RBFOX3: variants seen among roughly 807,000 people sequenced by gnomAD.
The protein encoded by RBFOX3 is RNA binding fox-1 homolog 3.
A neutral mutation model predicts 48.7 loss-of-function variants in RBFOX3; 17 were observed. The observed-to-expected ratio is 0.35, with a 90% CI of 0.24 to 0.52. RBFOX3 has a LOEUF of 0.52. Among genes scored for constraint, RBFOX3 ranks in the 20% least tolerant of loss-of-function variants. The pLI is 0.94. For synonymous variants in RBFOX3, 212 were observed against 209.5 expected (o/e 1.01, Z -0.10); for missense variants, 382 against 497.5 (o/e 0.77, Z 2.21).
chr17:79,285,344 C>T (rs2071614287), intron 3 of RBFOX3, among the ~76,000 whole-genome samples: 1 of 152,208 alleles, frequency 6.6e-6, no homozygotes, highest in African/African-American at 2.4e-5. Context: ...GCTAATGAAA[C>T]AGACCTGTTG....
intron 2 of RBFOX3, among the ~76,000 whole-genome samples, chr17:79,436,163 C>T (rs782081268): frequency 3.3e-5 from 5 of 152,206 alleles, no homozygotes; most frequent in Non-Finnish European, 5.9e-5. Context: ...GGTAGGCAGC[C>T]GCTGGGCATC....
intron 2 of RBFOX3, among the ~76,000 whole-genome samples, chr17:79,456,567 C>A (rs782295611): frequency 3.3e-5 from 5 of 152,240 alleles, no homozygotes; most frequent in Non-Finnish European, 7.3e-5. Context: ...GACCTAGTTC[C>A]TTCTAACCAT....
At chr17:79,175,162 C>T (rs1278151320) in intron 4 of RBFOX3, among the ~76,000 whole-genome samples, 4 of 152,252 alleles carry the variant, frequency 2.6e-5, no homozygotes, top group Admixed American at 6.5e-5. Flanking sequence ...GGGTCTGACA[C>T]GCAGGTGGGA....
At chr17:79,589,007 G>A (rs1362086449) in intron 1 of RBFOX3, among the ~76,000 whole-genome samples, 2 of 150,442 alleles carry the variant, frequency 1.3e-5, no homozygotes, top group African/African-American at 4.9e-5. Context: ...GCTTGGACCT[G>A]GGCCATATAG....
chr17:79,613,716 G>A (rs1443751693), upstream of RBFOX3, among the ~76,000 whole-genome samples: 3 of 152,188 alleles, frequency 2.0e-5, no homozygotes, highest in African/African-American at 7.2e-5. Flanking sequence ...GCTCAAGCCT[G>A]TAATCCCAGC....
At chr17:79,357,399 A>G (rs72849668) in intron 2 of RBFOX3, among the ~76,000 whole-genome samples, 25,200 of 152,230 alleles carry the variant, frequency 0.17, 2,345 homozygotes, top group African/African-American at 0.24. Flanking sequence ...AGGCCAAGGC[A>G]GGTGAATCAC....
intron 1 of RBFOX3, among the ~76,000 whole-genome samples, chr17:79,499,257 T>C (rs9902874): frequency 0.84 from 127,001 of 151,862 alleles, 53,889 homozygotes; most frequent in Non-Finnish European, 0.9. Flanking sequence ...TCCATTCACC[T>C]GCCCATCCAA....
intron 4 of RBFOX3, among the ~76,000 whole-genome samples, chr17:79,168,618 G>A (rs2048507576): frequency 2.0e-5 from 3 of 152,204 alleles, no homozygotes; most frequent in Non-Finnish European, 2.9e-5. Flanking sequence ...GAGCAGGTGT[G>A]GGCGGCCTGG....
At chr17:79,442,404 A>C (rs899652670) in intron 2 of RBFOX3, among the ~76,000 whole-genome samples, 1 of 131,258 alleles carries the variant, frequency 7.6e-6, no homozygotes, top group African/African-American at 3.0e-5. Context: ...AGAGAGAGAA[A>C]GAGAGACAGA....
intron 2 of RBFOX3, among the ~76,000 whole-genome samples, chr17:79,325,290 C>A (rs568910586): frequency 3.4e-4 from 52 of 152,306 alleles, no homozygotes; most frequent in African/African-American, 1.2e-3. Context: ...CTGTGGGGTG[C>A]GGCCTTCCCT....
At position 79,311,521 on chromosome 17, in the gene RBFOX3, G is replaced by A. The variant is rs568377162; in HGVS notation, c.-174-3697C>T. On this transcript the variant is annotated intron_variant, in intron 2 of 14. Transcript: ENST00000693108. The surrounding 1 kb of genome is among the most constrained non-coding windows in gnomAD (Gnocchi z 4.2). ...CACCCATCCTACAGAGTTCAGATTC[G>A]GCAGCCTTCGCAATAACATGACCTA... Among the ~76,000 whole-genome samples the A allele has an allele frequency of 7.1e-4, 107 of 151,528 alleles. No homozygotes were observed. Among genetic ancestry groups the A allele is most frequent in the African/African-American group, 2.3e-3 (95 of 41,268 alleles).
intron 4 of RBFOX3, among the ~76,000 whole-genome samples, chr17:79,231,737 TG>T: frequency 6.6e-6 from 1 of 152,276 alleles, no homozygotes; most frequent in Admixed American, 6.5e-5. Flanking sequence ...TAAGAAAAGA[TG>T]TTCAATATCC....
At chr17:79,170,084 G>A (rs2048847593) in intron 4 of RBFOX3, among the ~76,000 whole-genome samples, 1 of 143,518 alleles carries the variant, frequency 7.0e-6, no homozygotes, top group Admixed American at 6.9e-5. Flanking sequence ...ACGGAGGAAG[G>A]AAGGAAGGAT....
chr17:79,324,661 G>A (rs1404364251), intron 2 of RBFOX3, among the ~76,000 whole-genome samples: 1 of 152,218 alleles, frequency 6.6e-6, no homozygotes. Context: ...CAGAGGACCT[G>A]GCTCCTGGGT....
chr17:79,138,245 C>T lies in RBFOX3; in HGVS notation c.-33-22497G>A, dbSNP rs570209415. 8.5e-5 allele frequency among the ~76,000 whole-genome samples: 13 copies of T among 152,162 alleles called. No individual in the cohort carries two copies. The South Asian group carries it at 1.7e-3, about 19-fold the overall frequency. ...CCGTGTGCAACACGCACACTCAGAC[C>T]GTGCATGCCTCTACATACCTGTATT... On this transcript the variant is annotated intron_variant, in intron 4 of 14. Transcript: ENST00000693108.
In RBFOX3 at chr17:79,137,991, T is replaced by C. The variant is rs907418510; in HGVS notation, c.-33-22243A>G. Reference sequence around the variant, plus strand: ...TAGAAGCCATGTGCACATGTGTGCTTGCACAGGCGGAGGCACATCCCAGGC... The same window carrying C: ...TAGAAGCCATGTGCACATGTGTGCTCGCACAGGCGGAGGCACATCCCAGGC... On this transcript the variant is annotated intron_variant, in intron 4 of 14. Transcript: ENST00000693108. Among the ~76,000 whole-genome samples, 3 of 152,194 alleles carry C rather than the reference T, an allele frequency of 2.0e-5. No homozygotes were observed. In the South Asian group the frequency reaches 6.2e-4, roughly 31 times the overall value.
At chr17:79,541,127 C>T (rs1009018012) in intron 1 of RBFOX3, among the ~76,000 whole-genome samples, 38 of 151,804 alleles carry the variant, frequency 2.5e-4, no homozygotes, top group African/African-American at 8.7e-4. Flanking sequence ...AGGACAAAAT[C>T]ATCAGAATAA....
chr17:79,347,690 T>C (rs2083143854), intron 2 of RBFOX3, among the ~76,000 whole-genome samples: 1 of 152,216 alleles, frequency 6.6e-6, no homozygotes. Flanking sequence ...ACACCAACAA[T>C]TTCTACTCGG....
At position 79,470,446 on chromosome 17, in the gene RBFOX3, C is replaced by T. The variant is rs369747070; in HGVS notation, c.-175+12008G>A. On this transcript the variant is annotated intron_variant, in intron 2 of 14. Transcript: ENST00000693108. ...GCTACTGGCTCCCCATGTGAAATGT[C>T]GCCACATTATAAGCAGAGTCTCATA... Among the ~76,000 whole-genome samples, 123 of 152,242 alleles carry T rather than the reference C, an allele frequency of 8.1e-4. 1 individual carries two copies. The East Asian group carries it at 0.022, about 27-fold the overall frequency.
Sources: allele counts gnomAD v4.1 joint callset (sites outside exome capture counted in the v4.1 genomes callset), GRCh38; gene constraint gnomAD v4.1.1; non-coding constraint Gnocchi (gnomAD v3.1); transcripts MANE v1.5; gene names NCBI Gene and HGNC (gene_info 2026-07-23, HGNC 2026-07-21).